The following NRXN3 variants were observed in gnomAD, a reference collection of about 807,000 sequenced individuals.
The protein encoded by NRXN3 is neurexin 3, also known as neurexin III.
A neutral mutation model predicts 137.6 loss-of-function variants in NRXN3; 32 were observed. The ratio of observed to expected loss-of-function variants is 0.23; its 90% CI spans 0.18 to 0.31. The LOEUF (loss-of-function observed/expected upper bound fraction) is 0.31, where lower values mean the gene tolerates loss of function less well. Among genes scored for constraint, NRXN3 ranks in the 10% least tolerant of loss-of-function variants. The probability of loss-of-function intolerance (pLI) is 1.00; values close to 1 mark genes in which losing one functional copy is unlikely to be tolerated. For synonymous variants in NRXN3, 798 were observed against 784.5 expected (o/e 1.02, Z -0.29); for missense variants, 1,574 against 2,062.5 (o/e 0.76, Z 4.59).
chr14:78,827,862 C>A (rs905652190), intron 10 of NRXN3, among the ~76,000 whole-genome samples: 1 of 152,188 alleles, frequency 6.6e-6, no homozygotes, highest in Non-Finnish European at 1.5e-5. Flanking sequence ...CATGGAACAG[C>A]GTTTTCTTGT....
chr14:79,709,756 G>A (rs1216534646), intron 19 of NRXN3, among the ~76,000 whole-genome samples: 1 of 152,112 alleles, frequency 6.6e-6, no homozygotes, highest in Non-Finnish European at 1.5e-5. Flanking sequence ...TCTCGGGGCT[G>A]CTGTTCTCAT....
chr14:79,819,605 C>T (rs183402171), intron 20 of NRXN3, among the ~76,000 whole-genome samples: 31 of 149,970 alleles, frequency 2.1e-4, no homozygotes, highest in African/African-American at 6.9e-4. Flanking sequence ...CTGCCTCAAC[C>T]GCCTGAGTAG....
intron 5 of NRXN3, among the ~76,000 whole-genome samples, chr14:78,649,882 T>C (rs2097723946): frequency 6.6e-6 from 1 of 152,140 alleles, no homozygotes; most frequent in South Asian, 2.1e-4. Flanking sequence ...TATCCACCAA[T>C]TATGTTCTCC....
intron 15 of NRXN3, among the ~76,000 whole-genome samples, chr14:79,170,949 T>TCAAA (rs1342229072): frequency 6.6e-6 from 1 of 152,118 alleles, no homozygotes; most frequent in African/African-American, 2.4e-5. Context: ...CTCAAAATAC[T>TCAAA]ACTTTTTCAA....
At chr14:78,576,321 A>G (rs867226706) in intron 4 of NRXN3, among the ~76,000 whole-genome samples, 8 of 152,130 alleles carry the variant, frequency 5.3e-5, no homozygotes, top group South Asian at 4.1e-4. Context: ...TTCACCTTTC[A>G]TGAACAACAC....
Position 79,642,076 on chromosome 14 carries a change from A to C in NRXN3, c.3445-21702A>C, listed in dbSNP as rs1405459775. Among the ~76,000 whole-genome samples, 5 of 135,516 alleles carry C rather than the reference A, an allele frequency of 3.7e-5. 2 individuals carry two copies. Among genetic ancestry groups the C allele is most frequent in the Non-Finnish European group, 3.4e-5 (2 of 58,326 alleles). The allele number at this position is 135,516 out of a possible 152,430, so 88.9% of individuals were successfully genotyped here. On this transcript the variant is annotated intron_variant, in intron 16 of 20. Transcript: ENST00000335750. ...TTTCCGAAGTTTTGCCATTTTCATC[A>C]CACAATATTGTGGACAAATTAAAGC...
intron 15 of NRXN3, among the ~76,000 whole-genome samples, chr14:79,421,706 T>C (rs970072138): frequency 2.0e-5 from 3 of 152,168 alleles, no homozygotes; most frequent in Non-Finnish European, 4.4e-5. Flanking sequence ...TTGCTTAGAG[T>C]AATTTAATGT....
At chr14:79,719,450 C>CA (rs1281474031) in intron 19 of NRXN3, among the ~76,000 whole-genome samples, 1 of 135,392 alleles carries the variant, frequency 7.4e-6, no homozygotes, top group Non-Finnish European at 1.6e-5. Context: ...AAAATCAAAA[C>CA]AAAAAAGGCA....
At chr14:79,295,557 G>A (rs1403323213) in intron 15 of NRXN3, among the ~76,000 whole-genome samples, 2 of 152,090 alleles carry the variant, frequency 1.3e-5, no homozygotes, top group Non-Finnish European at 2.9e-5. Flanking sequence ...AGACCTTGCT[G>A]ATCTTGTTCA....
chr14:79,409,617 CTATATATATA>C (rs796485268), intron 15 of NRXN3, among the ~76,000 whole-genome samples: 10 of 112,116 alleles, frequency 8.9e-5, no homozygotes, highest in East Asian at 2.7e-4. Flanking sequence ...GTGTGTGTGT[CTATATATATA>C]TATATATATA....
intron 10 of NRXN3, among the ~76,000 whole-genome samples, chr14:78,936,651 C>T (rs965819294): frequency 2.6e-5 from 4 of 152,086 alleles, no homozygotes; most frequent in African/African-American, 9.7e-5. Flanking sequence ...TAAAATTGTA[C>T]ACCTTAAATA....
chr14:79,003,057 C>G lies in NRXN3; in HGVS notation c.3262+14916C>G, dbSNP rs527299411. ...TCACAGCTGTAATCATAGTGTATTA[C>G]AGCCTCAAGCTTCTGGGCTCAAGCG... On this transcript the variant is annotated intron_variant, in intron 15 of 20. Coordinates refer to ENST00000335750, the MANE Select transcript of NRXN3 (RefSeq NM_001330195.2). Among the ~76,000 whole-genome samples the G allele has an allele frequency of 9.2e-5, 14 of 152,256 alleles. No individual in the cohort carries two copies. The South Asian group carries it at 2.1e-3, about 23-fold the overall frequency.
chr14:78,908,848 A>G (rs544622342), intron 10 of NRXN3, among the ~76,000 whole-genome samples: 75 of 152,266 alleles, frequency 4.9e-4, no homozygotes, highest in African/African-American at 1.6e-3. Flanking sequence ...CAATGCCCCA[A>G]AGAAATTAGC....
chr14:79,168,544 A>G (rs2061491741), intron 15 of NRXN3, among the ~76,000 whole-genome samples: 1 of 152,090 alleles, frequency 6.6e-6, no homozygotes, highest in Middle Eastern at 3.4e-3. Flanking sequence ...TTTTTCTACC[A>G]TGACAATGCT....
chr14:78,399,599 C>T (rs1174805109), intron 4 of NRXN3, among the ~76,000 whole-genome samples: 2 of 152,172 alleles, frequency 1.3e-5, no homozygotes, highest in Non-Finnish European at 2.9e-5. Flanking sequence ...TTTTTAAATA[C>T]CAGCCTCTAA....
intron 3 of NRXN3, among the ~76,000 whole-genome samples, chr14:78,291,823 G>A (rs1046070574): frequency 6.6e-6 from 1 of 152,164 alleles, no homozygotes; most frequent in African/African-American, 2.4e-5. Context: ...TGATATATGT[G>A]GATTTTTCAC....
chr14:79,479,101 CA>C (rs1315474709), intron 16 of NRXN3, among the ~76,000 whole-genome samples: 3 of 152,152 alleles, frequency 2.0e-5, no homozygotes, highest in South Asian at 2.1e-4. Flanking sequence ...TGGATAGCTA[CA>C]AACGTTACTA....
At chr14:79,362,700 T>C (rs1410934175) in intron 15 of NRXN3, among the ~76,000 whole-genome samples, 2 of 152,182 alleles carry the variant, frequency 1.3e-5, no homozygotes, top group Admixed American at 1.3e-4. Flanking sequence ...AAATCAGACC[T>C]AGGCACCATG....
intron 10 of NRXN3, among the ~76,000 whole-genome samples, chr14:78,948,686 A>T (rs551603827): frequency 8.1e-6 from 1 of 123,346 alleles, no homozygotes; most frequent in Non-Finnish European, 1.6e-5. Flanking sequence ...CTAGGCCTGT[A>T]CCCTGGTCTT....
Sources: allele counts gnomAD v4.1 joint callset (sites outside exome capture counted in the v4.1 genomes callset), GRCh38; gene constraint gnomAD v4.1.1; transcripts MANE v1.5; gene names NCBI Gene and HGNC (gene_info 2026-07-23, HGNC 2026-07-21).